The following PGAP4 variants were observed in gnomAD, a reference collection of about 807,000 sequenced individuals.
PGAP4 encodes post-GPI attachment to proteins GalNAc transferase 4, also known as GPI-N-acetylgalactosamine transferase PGAP4.
In PGAP4, 12 loss-of-function variants were observed where a neutral mutation model predicts 28.2. The observed-to-expected ratio is 0.42, with a 90% CI of 0.27 to 0.69. The LOEUF is 0.69. Among genes scored for constraint, PGAP4 ranks in the 30% least tolerant of loss-of-function variants. PGAP4 has a pLI of 0.22. For synonymous variants in PGAP4, 205 were observed against 211.8 expected (o/e 0.97, Z 0.28); for missense variants, 425 against 513.5 (o/e 0.83, Z 1.67).
chr9:101,494,460 G>A (rs778592868), intron 2 of PGAP4, among the ~76,000 whole-genome samples: 4 of 151,816 alleles, frequency 2.6e-5, no homozygotes, highest in Non-Finnish European at 4.4e-5. Context: ...AAACATTTAA[G>A]TAAAGAGCCA....
At chr9:101,498,647 A>G (rs762819370) in intron 2 of PGAP4, among the ~76,000 whole-genome samples, 32 of 151,996 alleles carry the variant, frequency 2.1e-4, no homozygotes, top group Non-Finnish European at 4.4e-5. Flanking sequence ...TGTTAACTGT[A>G]TAGTTGCAGG....
chr9:101,513,313 T>C (rs1270611240), intron 2 of PGAP4, among the ~76,000 whole-genome samples: 4 of 152,144 alleles, frequency 2.6e-5, no homozygotes, highest in Admixed American at 6.6e-5. Flanking sequence ...CACCTAATCT[T>C]GTGATTCTTC....
intron 2 of PGAP4, among the ~76,000 whole-genome samples, chr9:101,530,553 A>G (rs568062236): frequency 6.6e-6 from 1 of 152,320 alleles, no homozygotes; most frequent in African/African-American, 2.4e-5. Flanking sequence ...TAAGTGAGGG[A>G]AAAACTTATT....
At chr9:101,519,272 C>T (rs1265301396) in intron 2 of PGAP4, among the ~76,000 whole-genome samples, 1 of 152,154 alleles carries the variant, frequency 6.6e-6, no homozygotes, top group Admixed American at 6.5e-5. Context: ...ATTCTCCTGC[C>T]TCAGCCTCCT....
chr9:101,499,663 G>A (rs73657956), intron 2 of PGAP4, among the ~76,000 whole-genome samples: 3,062 of 152,148 alleles, frequency 0.02, 99 homozygotes, highest in African/African-American at 0.069. Flanking sequence ...GGTTGCAATG[G>A]CCTTTGTGCA....
intron 2 of PGAP4, among the ~76,000 whole-genome samples, chr9:101,503,383 TATATGCTATTAAACA>T (rs1202063811): frequency 6.6e-6 from 1 of 152,048 alleles, no homozygotes; most frequent in African/African-American, 2.4e-5. Context: ...TTTGTCTTAT[TATATGCTATTAAACA>T]ATCCAATATG....
intron 2 of PGAP4, among the ~76,000 whole-genome samples, chr9:101,505,816 C>T (rs933815852): frequency 3.3e-5 from 5 of 152,000 alleles, no homozygotes; most frequent in Admixed American, 3.3e-4. Context: ...TGGACTCTTC[C>T]CTGAAATTAT....
chr9:101,492,292 C>G (rs1826698260), intron 2 of PGAP4, among the ~76,000 whole-genome samples: 1 of 151,928 alleles, frequency 6.6e-6, no homozygotes, highest in Non-Finnish European at 1.5e-5. Flanking sequence ...CTCCCGGGTT[C>G]AAGCGATTCT....
intron 2 of PGAP4, among the ~76,000 whole-genome samples, chr9:101,522,474 A>G (rs762093759): frequency 5.9e-5 from 9 of 152,152 alleles, no homozygotes; most frequent in Non-Finnish European, 1.3e-4. Context: ...AATGTCCCTC[A>G]TTGTTTCTTT....
chr9:101,495,749 C>A (rs1028726712), intron 2 of PGAP4, among the ~76,000 whole-genome samples: 1 of 149,994 alleles, frequency 6.7e-6, no homozygotes, highest in African/African-American at 2.4e-5. Context: ...TTAAAGTAAT[C>A]CAAAACCTAG....
chr9:101,506,190 G>A (rs1826847003), intron 2 of PGAP4, among the ~76,000 whole-genome samples: 1 of 151,980 alleles, frequency 6.6e-6, no homozygotes, highest in Non-Finnish European at 1.5e-5. Flanking sequence ...GGCCCCTGTG[G>A]AAAACTATAG....
chr9:101,502,034 C>T (rs1489546323), intron 2 of PGAP4: 2 of 217,934 alleles, frequency 9.2e-6, no homozygotes, highest in Non-Finnish European at 1.9e-5. Context: ...TATCCTCTCT[C>T]ATCACCAAAT....
chr9:101,510,301 T>C (rs985301431), intron 2 of PGAP4, among the ~76,000 whole-genome samples: 1 of 152,192 alleles, frequency 6.6e-6, no homozygotes, highest in African/African-American at 2.4e-5. Flanking sequence ...GCAGTGCAGT[T>C]AGCCACCAAG....
chr9:101,477,406 T>G (rs1037182179), intron 1 of PGAP4, among the ~76,000 whole-genome samples: 1 of 152,142 alleles, frequency 6.6e-6, no homozygotes, highest in African/African-American at 2.4e-5. Context: ...ACGATCTCGG[T>G]GCATTCAACC....
At chr9:101,494,774 A>G (rs1826722696) in intron 2 of PGAP4, among the ~76,000 whole-genome samples, 1 of 151,718 alleles carries the variant, frequency 6.6e-6, no homozygotes, top group South Asian at 2.1e-4. Context: ...GCCATGGTCA[A>G]AATCTGATGA....
At chr9:101,514,644 A>C (rs775874712) in intron 2 of PGAP4, among the ~76,000 whole-genome samples, 15 of 152,050 alleles carry the variant, frequency 9.9e-5, no homozygotes, top group Non-Finnish European at 1.6e-4. Context: ...CATCTATTGA[A>C]ATGCTATGGC....
intron 1 of PGAP4, among the ~76,000 whole-genome samples, chr9:101,485,401 C>G (rs117088902): frequency 1.1e-3 from 173 of 152,076 alleles, no homozygotes; most frequent in Non-Finnish European, 2.1e-3. Flanking sequence ...ACCAAAGTAT[C>G]CAAAAGATCA....
At chr9:101,493,181 G>A (rs1008953544) in intron 2 of PGAP4, among the ~76,000 whole-genome samples, 5 of 151,532 alleles carry the variant, frequency 3.3e-5, no homozygotes, top group Non-Finnish European at 7.4e-5. Flanking sequence ...TTGAACCTGG[G>A]AGGCGGAGGT....
intron 2 of PGAP4, among the ~76,000 whole-genome samples, chr9:101,498,198 G>T (rs181200543): frequency 6.6e-6 from 1 of 151,888 alleles, no homozygotes; most frequent in Admixed American, 6.6e-5. Context: ...TAGCTGAATT[G>T]TATGAGAAAA....
Sources: allele counts gnomAD v4.1 joint callset (sites outside exome capture counted in the v4.1 genomes callset), GRCh38; gene constraint gnomAD v4.1.1; transcripts MANE v1.5; gene names NCBI Gene and HGNC (gene_info 2026-07-23, HGNC 2026-07-21).